CDK14: variants seen among roughly 807,000 people sequenced by gnomAD.
The protein encoded by CDK14 is cyclin dependent kinase 14.
In CDK14, 34 loss-of-function variants were observed where a neutral mutation model predicts 60.7. The ratio of observed to expected loss-of-function variants is 0.56; its 90% CI spans 0.43 to 0.75. CDK14 has a LOEUF of 0.75. CDK14 is among the 30% of genes least tolerant of loss of function. CDK14 has a pLI of 0.00. For synonymous variants in CDK14, 197 were observed against 203.7 expected, an observed-to-expected ratio of 0.97 and a Z score of 0.28; for missense variants, 482 against 564.1, an observed-to-expected ratio of 0.85 and a Z score of 1.47.
chr7:91,169,346 A>G (rs539527132), intron 14 of CDK14, among the ~76,000 whole-genome samples: 3 of 152,056 alleles, frequency 2.0e-5, no homozygotes, highest in African/African-American at 2.4e-5. Flanking sequence ...CACCCCTCAC[A>G]CTGGTTCTGA....
At position 90,928,763 on chromosome 7, in the gene CDK14, C is replaced by T. The variant is rs150455604; in HGVS notation, c.826+11039C>T. ...TCTCTTCAAAGCTGTCAGACAGGGA[C>T]GTTTAAGTCTGCAGAAGTTTCTGCT... On this transcript the variant is annotated intron_variant, in intron 8 of 14. Coordinates refer to ENST00000380050, the MANE Select transcript of CDK14 (RefSeq NM_001287135.2). 7.7e-3 allele frequency among the ~76,000 whole-genome samples: 1,178 copies of T among 152,276 alleles called. 20 individuals are homozygous for T. The highest frequency in any genetic ancestry group is 0.027 in the African/African-American group (1,134 of 41,544).
At chr7:90,616,579 G>A (rs1584743564) in intron 2 of CDK14, among the ~76,000 whole-genome samples, 1 of 152,196 alleles carries the variant, frequency 6.6e-6, no homozygotes. Context: ...GTCCCCAGAT[G>A]CCCTAATTGA....
intron 2 of CDK14, among the ~76,000 whole-genome samples, chr7:90,632,924 A>G (rs953257411): frequency 6.6e-6 from 1 of 152,068 alleles, no homozygotes; most frequent in African/African-American, 2.4e-5. Context: ...CCCCATCTCT[A>G]CTAAAAATAC....
At chr7:91,162,897 T>G (rs1801213869) in intron 14 of CDK14, among the ~76,000 whole-genome samples, 1 of 152,182 alleles carries the variant, frequency 6.6e-6, no homozygotes, top group South Asian at 2.1e-4. Flanking sequence ...TCAGCTTGGA[T>G]GTGTGGTGTC....
intron 2 of CDK14, among the ~76,000 whole-genome samples, chr7:90,698,661 T>G (rs1801716143): frequency 6.6e-6 from 1 of 152,210 alleles, no homozygotes; most frequent in African/African-American, 2.4e-5. Flanking sequence ...CCCAATTTTT[T>G]TGGAAATGTA....
intron 14 of CDK14, among the ~76,000 whole-genome samples, chr7:91,130,537 G>A (rs533788666): frequency 6.6e-5 from 10 of 152,172 alleles, no homozygotes; most frequent in African/African-American, 2.4e-4. Flanking sequence ...TAACATACAA[G>A]TTATGTTGGT....
intron 2 of CDK14, among the ~76,000 whole-genome samples, chr7:90,627,598 G>A (rs1234909038): frequency 2.0e-5 from 3 of 152,200 alleles, no homozygotes; most frequent in Non-Finnish European, 4.4e-5. Flanking sequence ...AAGTGGCCTA[G>A]AAAAGAGACA....
At chr7:90,672,993 A>G (rs1801128163) in intron 2 of CDK14, among the ~76,000 whole-genome samples, 1 of 152,196 alleles carries the variant, frequency 6.6e-6, no homozygotes, top group Non-Finnish European at 1.5e-5. Flanking sequence ...CCATAATTTA[A>G]ATGCTGGTTG....
At chr7:90,947,050 T>G (rs953306485) in intron 8 of CDK14, among the ~76,000 whole-genome samples, 2 of 152,188 alleles carry the variant, frequency 1.3e-5, no homozygotes, top group African/African-American at 4.8e-5. Flanking sequence ...TTCCTGAGCT[T>G]TTCCCTGCAG....
At chr7:90,869,378 C>G (rs141616146) in intron 6 of CDK14, among the ~76,000 whole-genome samples, 1 of 152,280 alleles carries the variant, frequency 6.6e-6, no homozygotes, top group African/African-American at 2.4e-5. Context: ...GTCTGAGGAA[C>G]AGCAGGGCTG....
chr7:90,726,404 T>G (rs1802633494), intron 2 of CDK14, 163 bp from the exon 3 acceptor site: 2 of 1,253,744 alleles, frequency 1.6e-6, no homozygotes, highest in Non-Finnish European at 2.1e-6. Context: ...ATTGTGAGGA[T>G]TTTTTTGTAC....
intron 5 of CDK14, among the ~76,000 whole-genome samples, chr7:90,832,259 G>A (rs1486374828): frequency 6.6e-6 from 1 of 152,140 alleles, no homozygotes; most frequent in Non-Finnish European, 1.5e-5. Context: ...CTTGGCACCA[G>A]TAAGTGTTCA....
chr7:90,934,373 T>A (rs1793689256), intron 8 of CDK14, among the ~76,000 whole-genome samples: 1 of 152,212 alleles, frequency 6.6e-6, no homozygotes, highest in Non-Finnish European at 1.5e-5. Flanking sequence ...TAAGTCCTGG[T>A]CCCATTTACC....
At chr7:91,175,894 G>A (rs1318147669) in intron 14 of CDK14, among the ~76,000 whole-genome samples, 1 of 138,496 alleles carries the variant, frequency 7.2e-6, no homozygotes, top group Non-Finnish European at 1.6e-5. Flanking sequence ...ACATTAGACA[G>A]ATCAATGAGA....
chr7:91,169,522 AC>A (rs34222636), intron 14 of CDK14, among the ~76,000 whole-genome samples: 15,683 of 152,292 alleles, frequency 0.1, 998 homozygotes, highest in Middle Eastern at 0.16. Context: ...GATCTAAAGC[AC>A]CCCAAAGCGG....
At chr7:91,042,168 A>G (rs1292300917) in intron 10 of CDK14, among the ~76,000 whole-genome samples, 1 of 152,138 alleles carries the variant, frequency 6.6e-6, no homozygotes, top group African/African-American at 2.4e-5. Flanking sequence ...GCGTTAGGGA[A>G]GAGAATTCAC....
intron 8 of CDK14, among the ~76,000 whole-genome samples, chr7:90,936,685 A>G (rs1793764890): frequency 6.6e-6 from 1 of 152,198 alleles, no homozygotes. Context: ...TGCCCTCAGG[A>G]AGAGAATACT....
chr7:91,063,819 A>C (rs1194452214), intron 11 of CDK14, among the ~76,000 whole-genome samples: 1 of 152,180 alleles, frequency 6.6e-6, no homozygotes, highest in East Asian at 1.9e-4. Flanking sequence ...TGAAGTATAT[A>C]ACTGTAAAAG....
At chr7:90,994,452 C>T (rs1795623357) in intron 10 of CDK14, among the ~76,000 whole-genome samples, 1 of 152,144 alleles carries the variant, frequency 6.6e-6, no homozygotes, top group South Asian at 2.1e-4. Context: ...AACTCTCACC[C>T]AAAGTGAAGG....
Sources: gnomAD v4.1 joint callset for allele counts (sites outside exome capture counted in the v4.1 genomes callset) on GRCh38, gnomAD v4.1.1 for gene constraint, MANE v1.5 for transcripts, NCBI Gene and HGNC (gene_info 2026-07-23, HGNC 2026-07-21) for gene names.